Variants in EML6 observed in about 807,000 individuals in gnomAD.
The protein encoded by EML6 is EMAP like 6, also known as echinoderm microtubule-associated protein-like 6.
A neutral mutation model predicts 240.1 loss-of-function variants in EML6; 154 were observed. That is an observed-to-expected ratio of 0.64 (90% confidence interval 0.56 to 0.73). EML6 has a LOEUF of 0.73. Ranked by LOEUF, EML6 falls within the 30% of genes least tolerant of loss-of-function variation. The pLI is 0.00. For synonymous variants in EML6, 1,148 were observed against 899.0 expected (o/e 1.28, Z -4.95); for missense variants, 2,964 against 2,474.6 (o/e 1.20, Z -4.20).
chr2:54,956,555 A>G (rs1443062553), intron 32 of EML6, among the ~76,000 whole-genome samples: 3 of 152,152 alleles, frequency 2.0e-5, no homozygotes, highest in African/African-American at 7.2e-5. Flanking sequence ...CTGAGCCCTA[A>G]GTAGAGAGAG....
At chr2:54,819,741 C>T (rs1668243581) in intron 4 of EML6, among the ~76,000 whole-genome samples, 1 of 144,334 alleles carries the variant, frequency 6.9e-6, no homozygotes, top group African/African-American at 2.5e-5. Context: ...CGCCACTGCA[C>T]TCCAGCCTGG....
intron 12 of EML6, among the ~76,000 whole-genome samples, chr2:54,862,370 C>G (rs1253543506): frequency 1.6e-5 from 2 of 128,104 alleles, no homozygotes; most frequent in African/African-American, 3.0e-5. Flanking sequence ...AAAAAACTTT[C>G]TCTGAAGAGT....
chr2:54,916,708 TAAAAC>T, intron 25 of EML6, 46 bp from the exon 26 acceptor site: 1 of 1,400,678 alleles, frequency 7.1e-7, no homozygotes, highest in Non-Finnish European at 9.5e-7. Context: ...TTCTTTTAAA[TAAAAC>T]AAACTAGGTT....
At chr2:54,896,835 C>CTGCA (rs1672796694) in intron 21 of EML6, among the ~76,000 whole-genome samples, 1 of 152,186 alleles carries the variant, frequency 6.6e-6, no homozygotes, top group Non-Finnish European at 1.5e-5. Flanking sequence ...TTTAAAAACA[C>CTGCA]AGGTGCCCAA....
At chr2:54,778,818 G>T (rs1278141785) in intron 2 of EML6, among the ~76,000 whole-genome samples, 1 of 149,034 alleles carries the variant, frequency 6.7e-6, no homozygotes, top group Non-Finnish European at 1.5e-5. Flanking sequence ...CATGAACCTG[G>T]GCGGTGGAGG....
chr2:54,960,454 G>T (rs1676446107), intron 35 of EML6, 120 bp downstream of exon 35: 3 of 710,246 alleles, frequency 4.2e-6, no homozygotes, highest in Non-Finnish European at 7.2e-6. Context: ...CTCAATACAT[G>T]AATTGTGCTG....
In EML6 at chr2:54,877,465, A is replaced by G. The variant is rs1671571060; in HGVS notation, c.2345-2082A>G. ...ATAAGATTATTAAAAGTCTTAAAAA[A>G]AAGCTTATGATATTAAAAAAGGAGA... is the stretch of plus-strand genomic sequence containing the variant. On this transcript the variant is annotated intron_variant, in intron 16 of 41. Coordinates refer to ENST00000356458, the MANE Select transcript of EML6 (RefSeq NM_001039753.4). Among the ~76,000 whole-genome samples, 3 of 152,226 alleles carry G rather than the reference A, an allele frequency of 2.0e-5. No homozygotes were observed. The South Asian group carries it at 6.2e-4, about 32-fold the overall frequency.
intron 2 of EML6, among the ~76,000 whole-genome samples, chr2:54,793,496 A>G (rs1669579512): frequency 6.6e-6 from 1 of 150,712 alleles, no homozygotes; most frequent in South Asian, 2.1e-4. Context: ...TTTCTGTGCA[A>G]TTCAAGGAAG....
At position 54,952,564 on chromosome 2, in the gene EML6, G is replaced by A. The variant is rs1360304195; in HGVS notation, c.4214-30G>A. 1.6e-5 allele frequency: 23 copies of A among 1,475,160 alleles called. No individual in the cohort carries two copies. The East Asian group carries it at 5.5e-4, about 35-fold the overall frequency. The allele number at this position is 1,475,160 out of a possible 1,614,324, so 91.4% of individuals were successfully genotyped here. On this transcript the variant is annotated intron_variant, in intron 30 of 41. Coordinates refer to ENST00000356458, the MANE Select transcript of EML6 (RefSeq NM_001039753.4). ...CCCTAAAAGGTCTTTAGGTTCCACTGTTCACCCTCCCATGATCTCTCTCCC... is the reference window on the plus strand; with the variant it reads ...CCCTAAAAGGTCTTTAGGTTCCACTATTCACCCTCCCATGATCTCTCTCCC...
Position 54,774,084 on chromosome 2 carries a change from C to G in EML6, c.198-39148C>G, listed in dbSNP as rs1668503300. On this transcript the variant is annotated intron_variant, in intron 2 of 41. Coordinates refer to ENST00000356458, the MANE Select transcript of EML6 (RefSeq NM_001039753.4). This position sits in a 1 kb window ranked among gnomAD's most constrained non-coding sequence, Gnocchi z 4.1. ...TCCTGGAAGTTGCACACATGACTTC[C>G]ATTTTCATCCCAGGGGCCAGAGCAT... is the stretch of plus-strand genomic sequence containing the variant. Among the ~76,000 whole-genome samples the G allele has an allele frequency of 6.6e-6, 1 of 152,194 alleles. No homozygotes were observed. Among genetic ancestry groups the G allele is most frequent in the Non-Finnish European group, 1.5e-5 (1 of 68,030 alleles).
intron 7 of EML6, among the ~76,000 whole-genome samples, chr2:54,840,702 C>T (rs1345039470): frequency 6.6e-6 from 1 of 152,154 alleles, no homozygotes; most frequent in Non-Finnish European, 1.5e-5. Context: ...TTCATTTGCT[C>T]AGTAATCTTT....
chr2:54,888,942 T>C (rs935894204), intron 17 of EML6, among the ~76,000 whole-genome samples: 1 of 152,226 alleles, frequency 6.6e-6, no homozygotes, highest in African/African-American at 2.4e-5. Context: ...TGCCAAACTG[T>C]CTTTCAAAAT....
chr2:54,894,815 A>T (rs1005050314), intron 19 of EML6, 100 bp from the exon 20 acceptor site: 1 of 682,264 alleles, frequency 1.5e-6, no homozygotes. Flanking sequence ...GGAAGGTAGC[A>T]TCCACAAAGC....
Position 54,774,898 on chromosome 2 carries a change from A to G in EML6, c.198-38334A>G, listed in dbSNP as rs527331041. Reference sequence around the variant, plus strand: ...GCCTTTGTTTTTCACCCAAGTGGAAATACAGAAAGTGCTTACAACATGTAA... The same window carrying G: ...GCCTTTGTTTTTCACCCAAGTGGAAGTACAGAAAGTGCTTACAACATGTAA... On this transcript the variant is annotated intron_variant, in intron 2 of 41. Transcript: ENST00000356458. This position sits in a 1 kb window ranked among gnomAD's most constrained non-coding sequence, Gnocchi z 4.1. 8.5e-5 allele frequency among the ~76,000 whole-genome samples: 13 copies of G among 152,266 alleles called. No homozygotes were observed. The highest frequency in any genetic ancestry group is 1.8e-4 in the Non-Finnish European group (12 of 68,048).
chr2:54,781,177 G>T (rs1350227551), intron 2 of EML6, among the ~76,000 whole-genome samples: 1 of 152,158 alleles, frequency 6.6e-6, no homozygotes, highest in African/African-American at 2.4e-5. Context: ...TACATGCGAG[G>T]CATAGAAATG....
intron 17 of EML6, among the ~76,000 whole-genome samples, chr2:54,885,371 C>A (rs1001593326): frequency 1.3e-5 from 2 of 151,746 alleles, no homozygotes; most frequent in Non-Finnish European, 2.9e-5. Flanking sequence ...CACTTGAACC[C>A]GGGAGGCGGA....
intron 36 of EML6, 23 bp downstream of exon 36, chr2:54,962,734 T>A: frequency 6.9e-7 from 1 of 1,445,066 alleles, no homozygotes; most frequent in Non-Finnish European, 9.1e-7. Context: ...CTGCCCAAAC[T>A]CAGATGCCCA....
chr2:54,849,779 C>T lies in EML6; in HGVS notation c.1188-183C>T, dbSNP rs758134375. 1.4e-4 allele frequency among the ~76,000 whole-genome samples: 21 copies of T among 152,196 alleles called. 1 individual carries two copies. The highest frequency in any genetic ancestry group is 2.1e-4 in the South Asian group (1 of 4,832). ...CTGGGATTACAGGCGTAAGCCACCGCGCCCGGCCAATGCCATAAATTTTAA... is the reference window on the plus strand; with the variant it reads ...CTGGGATTACAGGCGTAAGCCACCGTGCCCGGCCAATGCCATAAATTTTAA... On this transcript the variant is annotated intron_variant, in intron 9 of 41. Coordinates refer to ENST00000356458, the MANE Select transcript of EML6 (RefSeq NM_001039753.4).
At chr2:54,811,914 C>T (rs1572937362) in intron 2 of EML6, among the ~76,000 whole-genome samples, 2 of 152,120 alleles carry the variant, frequency 1.3e-5, no homozygotes, top group African/African-American at 4.8e-5. Context: ...AAAAGCAACC[C>T]TTCTATATGG....
Sources: gnomAD v4.1 joint callset for allele counts (sites outside exome capture counted in the v4.1 genomes callset) on GRCh38, gnomAD v4.1.1 for gene constraint, Gnocchi (gnomAD v3.1) non-coding constraint, MANE v1.5 for transcripts, NCBI Gene and HGNC (gene_info 2026-07-23, HGNC 2026-07-21) for gene names.